The following DIAPH2 variants were observed in gnomAD, a reference collection of about 807,000 sequenced individuals.
DIAPH2 encodes protein diaphanous homolog 2.
In DIAPH2, 35 loss-of-function variants were observed where a neutral mutation model predicts 92.7. The ratio of observed to expected loss-of-function variants is 0.38; its 90% confidence interval spans 0.29 to 0.50. The LOEUF (loss-of-function observed/expected upper bound fraction) is 0.50. Among genes scored for constraint, DIAPH2 ranks in the 20% least tolerant of loss-of-function variants. DIAPH2 has a pLI of 0.94. For synonymous variants in DIAPH2, 301 were observed against 280.4 expected, an observed-to-expected ratio of 1.07 and a Z score of -0.73; for missense variants, 701 against 819.5, an observed-to-expected ratio of 0.86 and a Z score of 1.77.
intron 3 of DIAPH2, among the ~76,000 whole-genome samples, chrX:96,749,800 T>C (rs2064175872): frequency 9.0e-6 from 1 of 111,377 alleles, no homozygotes; most frequent in African/African-American, 3.3e-5. Flanking sequence ...ATCCTCATGT[T>C]TGTGTACTCA....
chrX:97,043,089 T>C (rs2066458259), intron 17 of DIAPH2, among the ~76,000 whole-genome samples: 1 of 111,856 alleles, frequency 8.9e-6, no homozygotes, highest in Non-Finnish European at 1.9e-5. Context: ...TTTATGACTG[T>C]ATATGTTACT....
intron 9 of DIAPH2, among the ~76,000 whole-genome samples, chrX:96,919,804 T>C (rs774332481): frequency 2.4e-4 from 27 of 111,452 alleles, no homozygotes; most frequent in African/African-American, 3.9e-4. Context: ...TCATGACTTC[T>C]ACTCCAACTA....
chrX:97,597,642 C>T (rs1381880365), intron 26 of DIAPH2, among the ~76,000 whole-genome samples: 3 of 111,872 alleles, frequency 2.7e-5, no homozygotes, highest in Non-Finnish European at 5.6e-5. Context: ...GCTAGCAATG[C>T]GGTGGGAACC....
intron 21 of DIAPH2, among the ~76,000 whole-genome samples, chrX:97,115,377 A>T (rs2067009226): frequency 9.1e-6 from 1 of 110,047 alleles, no homozygotes; most frequent in Non-Finnish European, 1.9e-5. Context: ...CTCTACTAAA[A>T]TTACAAAAAT....
chrX:97,409,875 C>T (rs940399617), intron 25 of DIAPH2, among the ~76,000 whole-genome samples: 3 of 112,618 alleles, frequency 2.7e-5, no homozygotes, highest in African/African-American at 9.7e-5. Flanking sequence ...TGGGGAAGCT[C>T]GAACTGGGCG....
intron 4 of DIAPH2, among the ~76,000 whole-genome samples, chrX:96,787,397 A>AT (rs912958873): frequency 9.0e-5 from 10 of 111,144 alleles, no homozygotes; most frequent in African/African-American, 2.9e-4. Flanking sequence ...ATCATGGGTG[A>AT]TTTTTTTAAG....
chrX:97,302,810 C>A (rs1355289690), intron 23 of DIAPH2, among the ~76,000 whole-genome samples: 2 of 111,095 alleles, frequency 1.8e-5, no homozygotes, highest in Non-Finnish European at 3.8e-5. Flanking sequence ...CATGGTGAAA[C>A]CCGTCTCTAC....
chrX:97,518,228 AT>A (rs1161405717), intron 26 of DIAPH2, among the ~76,000 whole-genome samples: 1 of 111,802 alleles, frequency 8.9e-6, no homozygotes, highest in Non-Finnish European at 1.9e-5. Flanking sequence ...GTTCTTTCTT[AT>A]TTTTGGTAAG....
intron 19 of DIAPH2, 73 bp from the exon 20 acceptor site, chrX:97,099,617 ACTTT>A: frequency 1.6e-6 from 1 of 607,953 alleles, no homozygotes; most frequent in Non-Finnish European, 2.4e-6. Context: ...CTAGTTAATC[ACTTT>A]CATAATTGTT....
intron 23 of DIAPH2, among the ~76,000 whole-genome samples, chrX:97,263,571 A>G (rs927569658): frequency 1.1e-4 from 11 of 102,241 alleles, no homozygotes; most frequent in African/African-American, 3.4e-4. Flanking sequence ...TTATTTATTT[A>G]TTTATTTATT....
intron 22 of DIAPH2, among the ~76,000 whole-genome samples, chrX:97,234,503 A>C (rs185688321): frequency 9.0e-6 from 1 of 111,401 alleles, no homozygotes; most frequent in African/African-American, 3.3e-5. Flanking sequence ...ATGGATCAAC[A>C]AACTTTTTCT....
chrX:97,599,973 T>G lies in DIAPH2; in HGVS notation c.*656T>G, dbSNP rs1422092650. ...CATTTCAGCATGATATTGCAAGCACTTCTCATTGCTAAAAATAAATAAACC... is the reference window on the plus strand; with the variant it reads ...CATTTCAGCATGATATTGCAAGCACGTCTCATTGCTAAAAATAAATAAACC... On this transcript the variant is annotated 3_prime_UTR_variant, in exon 27 of 27. Transcript: ENST00000324765. The G allele has an allele frequency of 2.7e-5, 3 of 112,733 alleles. No individual in the cohort carries two copies. The highest frequency in any genetic ancestry group is 5.6e-5 in the Non-Finnish European group (3 of 53,255). The allele number at this position is 112,733 out of a possible 1,213,427, so 9.3% of individuals were successfully genotyped here. A position where few individuals can be genotyped will look rare whatever the true frequency, so the allele number is the denominator to read the frequency against.
intron 22 of DIAPH2, among the ~76,000 whole-genome samples, chrX:97,191,464 G>C (rs1248432598): frequency 8.9e-6 from 1 of 111,932 alleles, no homozygotes; most frequent in Non-Finnish European, 1.9e-5. Flanking sequence ...TAGTGGGATA[G>C]ATACTGAGAA....
intron 26 of DIAPH2, among the ~76,000 whole-genome samples, chrX:97,549,923 A>G (rs6523095): frequency 0.45 from 50,123 of 111,492 alleles, 7,940 homozygotes; most frequent in East Asian, 0.55. Context: ...TACATTTTTA[A>G]TTTTCTCTAA....
intron 1 of DIAPH2, among the ~76,000 whole-genome samples, chrX:96,697,126 A>G (rs1198569559): frequency 3.6e-5 from 4 of 110,294 alleles, no homozygotes; most frequent in Non-Finnish European, 7.6e-5. Flanking sequence ...TGTTTGCTAC[A>G]AACACAGCCA....
chrX:96,979,216 C>T (rs2065979691), intron 17 of DIAPH2, among the ~76,000 whole-genome samples: 1 of 112,282 alleles, frequency 8.9e-6, no homozygotes, highest in South Asian at 3.7e-4. Context: ...AAGCTGCATA[C>T]TCACATGGAT....
At chrX:96,884,422 A>G in intron 5 of DIAPH2, 1 of 1,210,913 alleles carries the variant, frequency 8.3e-7, no homozygotes, top group Non-Finnish European at 1.1e-6. Flanking sequence ...TAAGACCCAA[A>G]GACCTAAGGT....
intron 3 of DIAPH2, among the ~76,000 whole-genome samples, chrX:96,752,511 C>A (rs1311263148): frequency 8.9e-6 from 1 of 112,073 alleles, no homozygotes; most frequent in Non-Finnish European, 1.9e-5. Flanking sequence ...GTAAGTGACA[C>A]ATAAGGAATT....
rs1361492360 is a variant in DIAPH2, at chrX:96,739,039, C to T, written c.342+277C>T. On this transcript the variant is annotated intron_variant, in intron 3 of 26. Coordinates refer to ENST00000324765, the MANE Select transcript of DIAPH2 (RefSeq NM_006729.5). ...TACTATTTAGTAGTCTCTAGGACAT[C>T]GAGTCAGTTTTTCAGTTAACTGATT... 5.4e-5 allele frequency among the ~76,000 whole-genome samples: 6 copies of T among 111,111 alleles called. No homozygotes were observed. The East Asian group carries it at 1.7e-3, about 31-fold the overall frequency.
Sources: gnomAD v4.1 joint callset for allele counts (sites outside exome capture counted in the v4.1 genomes callset) on GRCh38, gnomAD v4.1.1 for gene constraint, MANE v1.5 for transcripts, NCBI Gene and HGNC (gene_info 2026-07-23, HGNC 2026-07-21) for gene names.